Variants in GOLGA7 observed in about 807,000 individuals in gnomAD.
The protein encoded by GOLGA7 is golgin A7.
A neutral mutation model predicts 21.1 loss-of-function variants in GOLGA7; 10 were observed. The ratio of observed to expected loss-of-function variants is 0.47; its 90% CI spans 0.29 to 0.80. GOLGA7 has a LOEUF of 0.80. Ranked by LOEUF, GOLGA7 falls within the 30% of genes least tolerant of loss-of-function variation. GOLGA7 has a pLI of 0.08. For synonymous variants in GOLGA7, 64 were observed against 62.6 expected (o/e 1.02, Z -0.10); for missense variants, 114 against 166.8 (o/e 0.68, Z 1.74).
chr8:41,502,193 T>A (rs914581609), intron 2 of GOLGA7, among the ~76,000 whole-genome samples: 3 of 152,232 alleles, frequency 2.0e-5, no homozygotes, highest in South Asian at 4.1e-4. Context: ...TGCATTTGTG[T>A]TTTGATAAAA....
intron 2 of GOLGA7, among the ~76,000 whole-genome samples, 183 bp downstream of exon 2, chr8:41,497,844 G>A (rs1015254281): frequency 2.0e-5 from 3 of 152,190 alleles, no homozygotes; most frequent in African/African-American, 7.2e-5. Flanking sequence ...GTTGCAGTTG[G>A]TATGTCCACT....
chr8:41,507,973 T>C (rs1806328771), intron 4 of GOLGA7, among the ~76,000 whole-genome samples: 1 of 152,232 alleles, frequency 6.6e-6, no homozygotes, highest in East Asian at 1.9e-4. Flanking sequence ...TGAGGGCACG[T>C]ACTATGTGCC....
At chr8:41,506,145 C>T in intron 3 of GOLGA7, 133 bp downstream of exon 3, 1 of 547,528 alleles carries the variant, frequency 1.8e-6, no homozygotes, top group South Asian at 2.6e-5. Flanking sequence ...GAATTGCATA[C>T]CTACTGTAAA....
intron 1 of GOLGA7, among the ~76,000 whole-genome samples, chr8:41,496,202 C>T (rs1052068570): frequency 3.9e-5 from 6 of 151,982 alleles, no homozygotes; most frequent in Non-Finnish European, 8.8e-5. Context: ...TTTGTGAGCA[C>T]GCTTGCATGG....
At chr8:41,501,459 G>T (rs1407069808) in intron 2 of GOLGA7, among the ~76,000 whole-genome samples, 1 of 152,064 alleles carries the variant, frequency 6.6e-6, no homozygotes, top group Non-Finnish European at 1.5e-5. Context: ...GACCAGGCTG[G>T]TCTCAAACTC....
intron 3 of GOLGA7, among the ~76,000 whole-genome samples, chr8:41,506,850 G>C (rs1250971624): frequency 1.3e-5 from 2 of 152,120 alleles, no homozygotes; most frequent in Admixed American, 6.6e-5. Flanking sequence ...ATCAGTGTTT[G>C]GGAAGGAACT....
chr8:41,493,704 G>T (rs1410554993), intron 1 of GOLGA7, among the ~76,000 whole-genome samples: 1 of 152,112 alleles, frequency 6.6e-6, no homozygotes, highest in Non-Finnish European at 1.5e-5. Flanking sequence ...CGTGATCACT[G>T]CATGCTTCAC....
At position 41,490,646 on chromosome 8, in the gene GOLGA7, G is replaced by A; in HGVS notation, c.-209G>A. 1 of 547,730 alleles carries A rather than the reference G, an allele frequency of 1.8e-6. No homozygotes were observed. The highest frequency in any genetic ancestry group is 3.4e-5 in the Admixed American group (1 of 29,632). 33.9% of individuals were successfully genotyped at this position (547,730 alleles called of 1,614,324 possible). A position where few individuals can be genotyped will look rare whatever the true frequency, so the allele number is the denominator to read the frequency against. On this transcript the variant is annotated 5_prime_UTR_variant, in exon 1 of 5. It adds an upstream start codon to the 5' untranslated region. Transcript: ENST00000357743. ...TGTGTTTCCCGGGCCGAACCGGGTTGTGGGGGGCGCGGGGCCTGGGCCAGG... is the reference window on the plus strand; with the variant it reads ...TGTGTTTCCCGGGCCGAACCGGGTTATGGGGGGCGCGGGGCCTGGGCCAGG...
chr8:41,509,289 G>A (rs1238749833), intron 4 of GOLGA7, among the ~76,000 whole-genome samples: 2 of 152,228 alleles, frequency 1.3e-5, no homozygotes, highest in Non-Finnish European at 2.9e-5. Flanking sequence ...CCGAGGCAGA[G>A]AGAACTTAAG....
chr8:41,506,601 T>A (rs1020953464), intron 3 of GOLGA7, among the ~76,000 whole-genome samples: 1 of 152,164 alleles, frequency 6.6e-6, no homozygotes, highest in African/African-American at 2.4e-5. Flanking sequence ...CTAGGTCACA[T>A]AATCCCAGGC....
At chr8:41,504,120 T>TAAAAAAAAAAAAAAAA (rs58682911) in intron 2 of GOLGA7, among the ~76,000 whole-genome samples, 1 of 121,216 alleles carries the variant, frequency 8.2e-6, no homozygotes, top group African/African-American at 3.2e-5. Context: ...TAGAGTATAA[T>TAAAAAAAAAAAAAAAA]AAAAAAAAAA....
chr8:41,495,585 AT>A lies in GOLGA7; in HGVS notation c.112-1913del, dbSNP rs71546393. On this transcript the variant is annotated intron_variant, in intron 1 of 4. Coordinates refer to ENST00000357743, the MANE Select transcript of GOLGA7 (RefSeq NM_001002296.2). ...AGGAATGAGCCACCACGCCAGCCTG[AT>A]TTTTTTTTTTCTGAGTCGGTTTCTA... 7.8e-4 allele frequency among the ~76,000 whole-genome samples: 112 copies of A among 143,712 alleles called. 1 individual carries two copies. Among genetic ancestry groups the A allele is most frequent in the Non-Finnish European group, 1.0e-3 (67 of 65,680 alleles). 94.3% of individuals were successfully genotyped at this position (143,712 alleles called of 152,430 possible).
In GOLGA7 at chr8:41,509,107, G is replaced by A. The variant is rs371206384; in HGVS notation, c.*16-477G>A. ...GGTGTTTTCTCTCTGGATTAAGATT[G>A]CCATCTTTATATAAAATGGAATACA... On this transcript the variant is annotated intron_variant, in intron 4 of 4. Transcript: ENST00000357743. Among the ~76,000 whole-genome samples the A allele has an allele frequency of 2.0e-5, 3 of 152,230 alleles. No individual in the cohort carries two copies. The South Asian group carries it at 6.2e-4, about 32-fold the overall frequency.
chr8:41,502,296 G>T (rs1481442267), intron 2 of GOLGA7, among the ~76,000 whole-genome samples: 4 of 152,186 alleles, frequency 2.6e-5, no homozygotes, highest in African/African-American at 9.7e-5. Context: ...AAAGGATGAG[G>T]TTGAGTCATT....
In GOLGA7 at chr8:41,494,644, A is replaced by G. The variant is rs144677318; in HGVS notation, c.112-2865A>G. The stretch of plus-strand genomic sequence containing the variant: ...TGACCAGCCTTGACACCACATCTAC[A>G]AGGGGTAGCTCAGTGAAGAAACACT... On this transcript the variant is annotated intron_variant, in intron 1 of 4. Coordinates refer to ENST00000357743, the MANE Select transcript of GOLGA7 (RefSeq NM_001002296.2). Among the ~76,000 whole-genome samples the G allele has an allele frequency of 5.9e-5, 9 of 152,304 alleles. No individual in the cohort carries two copies. The East Asian group carries it at 1.7e-3, about 29-fold the overall frequency.
At chr8:41,505,390 T>A (rs1241948980) in intron 2 of GOLGA7, among the ~76,000 whole-genome samples, 1 of 152,360 alleles carries the variant, frequency 6.6e-6, no homozygotes, top group South Asian at 2.1e-4. Flanking sequence ...TTCTTAGTTT[T>A]GAAATAATGG....
chr8:41,492,750 A>G (rs1181578350), intron 1 of GOLGA7, among the ~76,000 whole-genome samples: 4 of 152,244 alleles, frequency 2.6e-5, no homozygotes, highest in Admixed American at 1.3e-4. Context: ...CATACAATTT[A>G]TGTACTTCAA....
At chr8:41,492,610 C>G (rs145642113) in intron 1 of GOLGA7, among the ~76,000 whole-genome samples, 56 of 152,090 alleles carry the variant, frequency 3.7e-4, no homozygotes, top group African/African-American at 1.3e-3. Context: ...TGCAGTGAGC[C>G]GAGATCATGC....
At chr8:41,505,185 C>T (rs1237708930) in intron 2 of GOLGA7, among the ~76,000 whole-genome samples, 1 of 152,160 alleles carries the variant, frequency 6.6e-6, no homozygotes, top group Non-Finnish European at 1.5e-5. Context: ...TCCTTTGTAT[C>T]CTATCTGGTT....
Sources: allele counts gnomAD v4.1 joint callset (sites outside exome capture counted in the v4.1 genomes callset), GRCh38; gene constraint gnomAD v4.1.1; transcripts MANE v1.5; gene names NCBI Gene and HGNC (gene_info 2026-07-23, HGNC 2026-07-21).